The following LAMC1 variants were observed in gnomAD, a reference collection of about 807,000 sequenced individuals.
LAMC1 encodes laminin subunit gamma 1, also known as laminin subunit gamma-1.
LAMC1 carries 38 observed loss-of-function variants against 173.6 expected under a neutral mutation model. The ratio of observed to expected loss-of-function variants is 0.22; its 90% CI spans 0.17 to 0.29. The LOEUF (loss-of-function observed/expected upper bound fraction) is 0.29, where lower values mean the gene tolerates loss of function less well. Ranked by LOEUF, LAMC1 falls within the 10% of genes least tolerant of loss-of-function variation. The pLI is 1.00. For synonymous variants in LAMC1, 746 were observed against 749.1 expected, an observed-to-expected ratio of 1.00 and a Z score of 0.07; for missense variants, 1,824 against 2,051.8, an observed-to-expected ratio of 0.89 and a Z score of 2.14.
intron 1 of LAMC1, among the ~76,000 whole-genome samples, chr1:183,042,050 T>C (rs1248791322): frequency 6.6e-6 from 1 of 152,232 alleles, no homozygotes; most frequent in Non-Finnish European, 1.5e-5. Flanking sequence ...TAAGTCACTG[T>C]ATCAAAGAGC....
In LAMC1 at chr1:183,124,739, A is replaced by G. The variant is rs751971235; in HGVS notation, c.2510A>G (p.Asn837Ser). 6.2e-7 allele frequency: 1 copy of G among 1,614,220 alleles called. No individual in the cohort carries two copies. Among genetic ancestry groups the G allele is most frequent in the Non-Finnish European group, 8.5e-7 (1 of 1,180,044 alleles). The change falls in exon 14 of 28, where the codon AAT becomes AGT. Residue 837 changes from asparagine to serine, a missense_variant. Physicochemically the swap from Asn to Ser is conservative, Grantham distance 46. Coordinates refer to ENST00000258341, the MANE Select transcript of LAMC1 (RefSeq NM_002293.4). Reference protein sequence around the residue: ...LCQCSDNIDPNAVGNCNRLTG... With the variant: ...LCQCSDNIDPSAVGNCNRLTG... ...CAGTGCAGTGACAACATCGATCCCAATGCAGTTGGAAATTGCAATCGCTTG... is the reference window on the plus strand; with the variant it reads ...CAGTGCAGTGACAACATCGATCCCAGTGCAGTTGGAAATTGCAATCGCTTG...
intron 1 of LAMC1, among the ~76,000 whole-genome samples, chr1:183,090,113 C>T (rs1655527879): frequency 6.6e-6 from 1 of 152,184 alleles, no homozygotes; most frequent in South Asian, 2.1e-4. Context: ...ACCAATTCCT[C>T]TGCTCAGCTC....
At chr1:183,046,018 T>C (rs968193074) in intron 1 of LAMC1, among the ~76,000 whole-genome samples, 3 of 152,146 alleles carry the variant, frequency 2.0e-5, no homozygotes, top group African/African-American at 7.2e-5. Context: ...GTTATGTGTT[T>C]TCCTTATCTT....
At chr1:183,055,074 C>T (rs528378835) in intron 1 of LAMC1, among the ~76,000 whole-genome samples, 26 of 151,558 alleles carry the variant, frequency 1.7e-4, no homozygotes, top group African/African-American at 5.8e-4. Context: ...CTGCAACCTC[C>T]ACCTCCCGGG....
At position 183,103,312 on chromosome 1, in the gene LAMC1, TG is replaced by T. The variant is rs775830861; in HGVS notation, c.419-15del. 1 of 1,607,902 alleles carries T rather than the reference TG, an allele frequency of 6.2e-7. No individual in the cohort carries two copies. The highest frequency in any genetic ancestry group is 8.5e-7 in the Non-Finnish European group (1 of 1,176,708). On this transcript the variant is annotated splice_polypyrimidine_tract_variant and intron_variant, in intron 1 of 27. Coordinates refer to ENST00000258341, the MANE Select transcript of LAMC1 (RefSeq NM_002293.4). ...CATACGTATGATTTATGACCTTTGA[TG>T]TGTTTGTCCCACAGGAAAAGCTTTT...
At position 183,114,546 on chromosome 1, in the gene LAMC1, G is replaced by A; in HGVS notation, c.1037G>A (p.Gly346Asp). Reference protein sequence around the residue: ...ASECLPCDCNGRSQECYFDPE... With the variant: ...ASECLPCDCNDRSQECYFDPE... ...TGACTGACAGCCTGTGATTGCAATG[G>A]TCGATCCCAGGAATGCTACTTCGAC... is the stretch of plus-strand genomic sequence containing the variant. The change falls in exon 5 of 28, where the codon GGT (glycine) becomes GAT (aspartate). Residue 346 changes from glycine (G) to aspartate (D), a missense_variant. Coordinates refer to ENST00000258341, the MANE Select transcript of LAMC1 (RefSeq NM_002293.4). 1.9e-6 allele frequency: 3 copies of A among 1,614,182 alleles called. No individual in the cohort carries two copies. Among genetic ancestry groups the A allele is most frequent in the African/African-American group, 1.3e-5 (1 of 75,058 alleles).
At chr1:183,084,345 G>GAA (rs372863204) in intron 1 of LAMC1, among the ~76,000 whole-genome samples, 3 of 101,370 alleles carry the variant, frequency 3.0e-5, no homozygotes, top group Non-Finnish European at 4.3e-5. Flanking sequence ...TCCGTCTCAA[G>GAA]AAAAAAAAAA....
intron 1 of LAMC1, among the ~76,000 whole-genome samples, chr1:183,052,997 G>T (rs958685699): frequency 7.9e-5 from 12 of 152,164 alleles, no homozygotes; most frequent in Non-Finnish European, 1.6e-4. Flanking sequence ...TGAGGGAAGA[G>T]ATGTAAACAA....
chr1:183,131,132 C>T (rs1378579797), intron 19 of LAMC1, among the ~76,000 whole-genome samples, 167 bp from the exon 20 acceptor site: 2 of 140,754 alleles, frequency 1.4e-5, no homozygotes, highest in African/African-American at 5.2e-5. Context: ...TGAAATTGTG[C>T]CATTGCCCTT....
Position 183,131,334 on chromosome 1 carries a change from C to T in LAMC1, c.3522C>T (p.Asn1174=), listed in dbSNP as rs1656780559. 3.1e-6 allele frequency: 5 copies of T among 1,613,790 alleles called. No individual in the cohort carries two copies. The highest frequency in any genetic ancestry group is 4.2e-6 in the Non-Finnish European group (5 of 1,179,944). Residue 1174 remains asparagine (N), a synonymous_variant, in exon 20 of 28, where the codon AAC becomes AAT. Transcript: ENST00000258341. ...AGCCAGAATCTACAGGGGACCCAAA[C>T]AACATGACTCTTTTGGCAGAAGAGG... ...VTQPESTGDP[N]NMTLLAEEAR...
chr1:183,093,054 G>C (rs1655605260), intron 1 of LAMC1, among the ~76,000 whole-genome samples: 1 of 152,198 alleles, frequency 6.6e-6, no homozygotes, highest in South Asian at 2.1e-4. Flanking sequence ...CCAGGTGGGA[G>C]GATTGCTTGA....
intron 1 of LAMC1, among the ~76,000 whole-genome samples, chr1:183,068,168 A>G (rs1374009572): frequency 6.6e-6 from 1 of 152,130 alleles, no homozygotes; most frequent in Admixed American, 6.5e-5. Context: ...TTTTTAAAAA[A>G]GGCCTTTGTT....
rs570725022 is a variant in LAMC1, at chr1:183,070,083, A to G, written c.419-33245A>G. Among the ~76,000 whole-genome samples, 3 of 152,362 alleles carry G rather than the reference A, an allele frequency of 2.0e-5. No homozygotes were observed. The East Asian group carries it at 5.8e-4, about 29-fold the overall frequency. Reference sequence around the variant, plus strand: ...ATGAATGAATGGGCTAGATTGTGGCATGTGCGTGGAATTAGGTAAGAGATT... The same window carrying G: ...ATGAATGAATGGGCTAGATTGTGGCGTGTGCGTGGAATTAGGTAAGAGATT... On this transcript the variant is annotated intron_variant, in intron 1 of 27. Coordinates refer to ENST00000258341, the MANE Select transcript of LAMC1 (RefSeq NM_002293.4).
Position 183,133,425 on chromosome 1 carries a change from A to T in LAMC1, c.3724A>T (p.Ile1242Phe). Residue 1242 changes from isoleucine (I) to phenylalanine (F), a missense_variant, in exon 22 of 28, where the codon ATC becomes TTC. Ile to Phe is a conservative substitution (Grantham distance 21). Transcript: ENST00000258341. ...LNRKYEQAKN[I>F]SQDLEKQAAR... ...TCTTAGGTATGAACAAGCGAAGAAC[A>T]TCTCACAGGATCTGGAAAAACAAGC... 6.2e-7 allele frequency: 1 copy of T among 1,613,920 alleles called. No homozygotes were observed. The highest frequency in any genetic ancestry group is 8.5e-7 in the Non-Finnish European group (1 of 1,179,828).
intron 13 of LAMC1, among the ~76,000 whole-genome samples, chr1:183,122,790 C>T (rs1656512772): frequency 6.6e-6 from 1 of 152,110 alleles, no homozygotes; most frequent in African/African-American, 2.4e-5. Flanking sequence ...CCCATGGCCC[C>T]TTCTCTATGG....
At chr1:183,131,463 T>TGTG (rs1553258275) in intron 20 of LAMC1, 85 bp downstream of exon 20, 55 of 801,336 alleles carry the variant, frequency 6.9e-5, no homozygotes, top group African/African-American at 2.9e-4. Flanking sequence ...GTGTGTGTAT[T>TGTG]GTCTTATCCC....
chr1:183,135,222 T>C, intron 24 of LAMC1, 66 bp downstream of exon 24: 1 of 928,284 alleles, frequency 1.1e-6, no homozygotes, highest in Non-Finnish European at 1.7e-6. Flanking sequence ...TTTTTAATCA[T>C]GACTTTTACC....
intron 1 of LAMC1, among the ~76,000 whole-genome samples, chr1:183,097,472 G>T (rs1166669096): frequency 2.0e-5 from 3 of 152,062 alleles, no homozygotes; most frequent in Non-Finnish European, 2.9e-5. Context: ...TTGCAATTTT[G>T]TAAAATTCTA....
intron 1 of LAMC1, among the ~76,000 whole-genome samples, chr1:183,085,572 G>A (rs999204132): frequency 6.6e-6 from 1 of 151,140 alleles, no homozygotes; most frequent in African/African-American, 2.4e-5. Context: ...TTTTACCATT[G>A]TTGCCCAGGC....
Sources: gnomAD v4.1 joint callset for allele counts (sites outside exome capture counted in the v4.1 genomes callset) on GRCh38, gnomAD v4.1.1 for gene constraint, MANE v1.5 for transcripts, NCBI Gene and HGNC (gene_info 2026-07-23, HGNC 2026-07-21) for gene names.